CWH43: variants seen among roughly 807,000 people sequenced by gnomAD.
The protein encoded by CWH43 is PGAP2-interacting protein.
A neutral mutation model predicts 85.7 loss-of-function variants in CWH43; 91 were observed. That is an observed-to-expected ratio of 1.06 (90% confidence interval 0.90 to 1.26). CWH43 has a LOEUF of 1.26. Ranked by LOEUF, CWH43 falls within the 50% of genes most tolerant of loss-of-function variation. CWH43 has a pLI of 0.00. For synonymous variants in CWH43, 323 were observed against 293.6 expected (o/e 1.10, Z -1.02); for missense variants, 869 against 839.2 (o/e 1.04, Z -0.44).
Position 48,994,797 on chromosome 4 carries a change from A to G in CWH43, c.690A>G (p.Pro230=). 1 of 1,613,920 alleles carries G rather than the reference A, an allele frequency of 6.2e-7. No individual in the cohort carries two copies. Among genetic ancestry groups the G allele is most frequent in the Non-Finnish European group, 8.5e-7 (1 of 1,179,994 alleles). ...GGGCAGTGAGTGGGCATCCACATCC[A>G]GGGCCAGATCCTAACCCATTTGGGT... The part of the protein sequence containing the change: ...SRWAVSGHPH[P]GPDPNPFGGA... Residue 230 remains proline, a synonymous_variant, in exon 5 of 16, where the codon CCA becomes CCG. Coordinates refer to ENST00000226432, the MANE Select transcript of CWH43 (RefSeq NM_025087.3).
In CWH43 at chr4:49,008,517, G is replaced by A. The variant is rs530163702; in HGVS notation, c.1186+1191G>A. 2.0e-5 allele frequency among the ~76,000 whole-genome samples: 3 copies of A among 152,238 alleles called. No homozygotes were observed. In the East Asian group the frequency reaches 5.8e-4, roughly 29 times the overall value. The stretch of plus-strand genomic sequence containing the variant: ...TGTCAATTTTGGCTTTTGTTGCGTT[G>A]CTTTTGGTGTTTTAGTCATGAAGTC... On this transcript the variant is annotated intron_variant, in intron 8 of 15. Transcript: ENST00000226432.
rs183553783 is a variant in CWH43 at position 49,049,029 on chromosome 4, T to C, written c.1866-1665T>C. On this transcript the variant is annotated intron_variant, in intron 14 of 15. Coordinates refer to ENST00000226432, the MANE Select transcript of CWH43 (RefSeq NM_025087.3). Reference sequence around the variant, plus strand: ...TTAATGGAAGATTTGGATTGTCAGATTCTTCAGTTTCAAGGCTTTTGGTGT... The same window carrying C: ...TTAATGGAAGATTTGGATTGTCAGACTCTTCAGTTTCAAGGCTTTTGGTGT... Among the ~76,000 whole-genome samples the C allele has an allele frequency of 8.5e-5, 13 of 152,280 alleles. No homozygotes were observed. In the East Asian group the frequency reaches 2.5e-3, roughly 29 times the overall value.
At chr4:48,993,798 G>A (rs1307444955) in intron 4 of CWH43, among the ~76,000 whole-genome samples, 3 of 152,072 alleles carry the variant, frequency 2.0e-5, no homozygotes, top group East Asian at 1.9e-4. Context: ...CTTGTTGCCC[G>A]GGCTGGAGTG....
chr4:49,021,805 T>A (rs1418965653), intron 9 of CWH43, among the ~76,000 whole-genome samples: 1 of 152,156 alleles, frequency 6.6e-6, no homozygotes, highest in Non-Finnish European at 1.5e-5. Flanking sequence ...ATTTTATTTA[T>A]TTTTTCAGCT....
chr4:48,988,966 T>G (rs943776576), intron 2 of CWH43, among the ~76,000 whole-genome samples: 7 of 152,184 alleles, frequency 4.6e-5, no homozygotes, highest in Non-Finnish European at 1.0e-4. Context: ...TCTTTCCAAC[T>G]GTGACATAAC....
intron 8 of CWH43, among the ~76,000 whole-genome samples, chr4:49,007,674 G>T (rs2109767666): frequency 6.6e-6 from 1 of 151,240 alleles, no homozygotes; most frequent in African/African-American, 2.4e-5. Context: ...CCCGCCCTGT[G>T]TCCGTGTGTT....
chr4:49,008,163 T>G (rs1480420609), intron 8 of CWH43, among the ~76,000 whole-genome samples: 2 of 152,232 alleles, frequency 1.3e-5, no homozygotes, highest in African/African-American at 4.8e-5. Context: ...TGATCACCAT[T>G]CTAACTGGTG....
At chr4:48,989,919 T>A (rs1188795568) in intron 2 of CWH43, among the ~76,000 whole-genome samples, 1 of 152,256 alleles carries the variant, frequency 6.6e-6, no homozygotes, top group Non-Finnish European at 1.5e-5. Context: ...TCAACTGGCA[T>A]TGGCTTACAG....
intron 12 of CWH43, 97 bp downstream of exon 12, chr4:49,032,812 C>G: frequency 7.0e-7 from 1 of 1,426,036 alleles, no homozygotes; most frequent in South Asian, 1.2e-5. Context: ...TCATTTTCTT[C>G]TTTTTTACCT....
chr4:48,999,706 A>T (rs1782929489), intron 6 of CWH43, among the ~76,000 whole-genome samples: 1 of 152,120 alleles, frequency 6.6e-6, no homozygotes, highest in Non-Finnish European at 1.5e-5. Context: ...ACTCTTCAAG[A>T]TTCCTTGCTT....
chr4:49,032,595 T>G lies in CWH43; in HGVS notation c.1538T>G (p.Val513Gly), dbSNP rs1282194101. Residue 513 changes from valine (V) to glycine (G), a missense_variant, in exon 12 of 16, where the codon GTG (valine) becomes GGG (glycine). By Grantham distance (109) the Val-to-Gly change is moderately radical. This residue lies in a region of CWH43 where 577 missense variants were observed against 513.1 expected (regional missense o/e 1.12). Coordinates refer to ENST00000226432, the MANE Select transcript of CWH43 (RefSeq NM_025087.3). ...GIMALSRYPI[V>G]KSEHHLLPSP... ...ATGGCTTTGTCAAGATACCCAATTG[T>G]GAAATCTGAGCATCACCTTCTTCCG... 1.9e-6 allele frequency: 3 copies of G among 1,613,910 alleles called. No homozygotes were observed. The African/African-American group carries it at 4.0e-5, about 22-fold the overall frequency.
At chr4:49,012,181 C>CT (rs1783386412) in intron 8 of CWH43, among the ~76,000 whole-genome samples, 2 of 152,160 alleles carry the variant, frequency 1.3e-5, no homozygotes, top group African/African-American at 2.4e-5. Context: ...TCTTTTCACT[C>CT]TTTTTTCTCT....
chr4:49,056,753 A>T (rs1784977886), intron 15 of CWH43, among the ~76,000 whole-genome samples: 2 of 151,030 alleles, frequency 1.3e-5, no homozygotes, highest in African/African-American at 4.9e-5. Flanking sequence ...AGGTTGTTTG[A>T]TGTCTTTATT....
At chr4:49,041,219 C>T (rs554551741) in intron 13 of CWH43, among the ~76,000 whole-genome samples, 8 of 152,246 alleles carry the variant, frequency 5.3e-5, no homozygotes, top group African/African-American at 1.4e-4. Flanking sequence ...ATTGACTTGG[C>T]AATGCGGGCT....
chr4:48,986,529 A>G, intron 1 of CWH43, 57 bp downstream of exon 1: 1 of 1,546,850 alleles, frequency 6.5e-7, no homozygotes, highest in Non-Finnish European at 8.7e-7. Flanking sequence ...GGCCATGTCC[A>G]GAGCCGTGGA....
chr4:49,032,859 A>G (rs1560505577), intron 12 of CWH43, 144 bp downstream of exon 12: 1 of 1,061,962 alleles, frequency 9.4e-7, no homozygotes, highest in East Asian at 2.6e-5. Flanking sequence ...GGTTTTAAAA[A>G]TCAGACAGAA....
chr4:49,011,304 C>CA (rs1254993653), intron 8 of CWH43, among the ~76,000 whole-genome samples: 2 of 150,808 alleles, frequency 1.3e-5, no homozygotes. Context: ...GCAACCCCTG[C>CA]TTTTTTTTTG....
chr4:49,016,428 T>C (rs959341883), intron 8 of CWH43, among the ~76,000 whole-genome samples: 1 of 152,098 alleles, frequency 6.6e-6, no homozygotes, highest in Non-Finnish European at 1.5e-5. Flanking sequence ...GTTTATCTCC[T>C]GCCTTCACTG....
intron 9 of CWH43, among the ~76,000 whole-genome samples, chr4:49,026,242 G>A (rs1291810093): frequency 1.3e-5 from 2 of 152,198 alleles, no homozygotes; most frequent in Non-Finnish European, 1.5e-5. Flanking sequence ...CCAGGCAGCC[G>A]GTGAGCAGGG....
Sources: allele counts gnomAD v4.1 joint callset (sites outside exome capture counted in the v4.1 genomes callset), GRCh38; gene constraint gnomAD v4.1.1; regional missense constraint gnomAD v4.1.1; transcripts MANE v1.5; gene names NCBI Gene and HGNC (gene_info 2026-07-23, HGNC 2026-07-21).